The following GVQW3 variants were observed in gnomAD, a reference collection of about 807,000 sequenced individuals.
GVQW3 encodes protein GVQW3.
A neutral mutation model predicts 12.5 loss-of-function variants in GVQW3; 7 were observed. That is an observed-to-expected ratio of 0.56 (90% confidence interval 0.32 to 1.05). The LOEUF is 1.05. Ranked by LOEUF, GVQW3 falls within the 50% of genes least tolerant of loss-of-function variation. The pLI is 0.04. For synonymous variants in GVQW3, 71 were observed against 67.2 expected, an observed-to-expected ratio of 1.06 and a Z score of -0.28; for missense variants, 188 against 190.8, an observed-to-expected ratio of 0.99 and a Z score of 0.09.
rs1947056745 is a variant in GVQW3 at position 76,407,844 on chromosome 11, C to T, written c.*4086C>T. On this transcript the variant is annotated 3_prime_UTR_variant, in exon 2 of 2. Transcript: ENST00000529331. ...TATTTAAGATGATGTTTTTAAAGAA[C>T]TGTCAATGATGTTTGAAGATGTTCA... The T allele has an allele frequency of 6.6e-6, 1 of 151,966 alleles. No homozygotes were observed. The highest frequency in any genetic ancestry group is 2.1e-4 in the South Asian group (1 of 4,834). The allele number at this position is 151,966 out of a possible 1,614,324, so 9.4% of individuals were successfully genotyped here.
rs1946781224 is a variant in GVQW3 at position 76,382,229 on chromosome 11, A to G, written c.401A>G (p.Lys134Arg). 2 of 1,536,098 alleles carry G rather than the reference A, an allele frequency of 1.3e-6. No individual in the cohort carries two copies. The highest frequency in any genetic ancestry group is 1.4e-5 in the African/African-American group (1 of 73,182). The change falls in exon 1 of 2, where the codon AAA becomes AGA. Residue 134 changes from lysine to arginine, a missense_variant. Coordinates refer to ENST00000529331, the MANE Select transcript of GVQW3 (RefSeq NM_001347885.2). The part of the protein sequence containing the change: ...GVLKGEPKPR[K>R]LDFRSDLSKE... ...TTGAAGGGTGAGCCTAAACCACGAA[A>G]ACTTGACTTTCGGTCCGATCTTTCA...
chr11:76,391,200 A>G (rs894279470), intron 1 of GVQW3, among the ~76,000 whole-genome samples: 1 of 152,232 alleles, frequency 6.6e-6, no homozygotes, highest in Non-Finnish European at 1.5e-5. Flanking sequence ...TGTACTTCCT[A>G]TATGGCAGAT....
At chr11:76,408,369 C>G (rs1947061193), downstream of GVQW3, 1 of 152,202 alleles carries the variant, frequency 6.6e-6, no homozygotes, top group Non-Finnish European at 1.5e-5. Context: ...GCTTTGTAAA[C>G]TGTGAAGCAC....
chr11:76,397,192 C>A (rs536085983), intron 1 of GVQW3, among the ~76,000 whole-genome samples: 1 of 151,816 alleles, frequency 6.6e-6, no homozygotes. Flanking sequence ...TTAGTAGAGA[C>A]GGGATTTCAC....
At chr11:76,385,584 G>A (rs760144607) in intron 1 of GVQW3, among the ~76,000 whole-genome samples, 2 of 152,084 alleles carry the variant, frequency 1.3e-5, no homozygotes, top group Non-Finnish European at 2.9e-5. Flanking sequence ...GGTCACTTTG[G>A]TGTGCTGATC....
In GVQW3 at chr11:76,382,222, C is replaced by T; in HGVS notation, c.394C>T (p.Pro132Ser). The T allele has an allele frequency of 6.5e-7, 1 of 1,536,054 alleles. No individual in the cohort carries two copies. Residue 132 changes from proline to serine, a missense_variant, in exon 1 of 2, where the codon CCA becomes TCA. Transcript: ENST00000529331. ...ISGVLKGEPK[P>S]RKLDFRSDLS... is the part of the protein sequence containing the mutation. ...GGGTGTTTTGAAGGGTGAGCCTAAA[C>T]CACGAAAACTTGACTTTCGGTCCGA...
chr11:76,409,215 G>C (rs1337872152), downstream of GVQW3, among the ~76,000 whole-genome samples: 1 of 152,180 alleles, frequency 6.6e-6, no homozygotes, highest in African/African-American at 2.4e-5. Context: ...GCCAGGTAAT[G>C]TTCTAGATGT....
At chr11:76,385,225 A>G (rs1373887144) in intron 1 of GVQW3, among the ~76,000 whole-genome samples, 3 of 152,244 alleles carry the variant, frequency 2.0e-5, no homozygotes, top group Non-Finnish European at 2.9e-5. Flanking sequence ...TATCCAGAGC[A>G]AACCATTCAC....
rs1355023781 is a variant in GVQW3 at position 76,381,793 on chromosome 11, G to A, written c.-36G>A. On this transcript the variant is annotated 5_prime_UTR_variant, in exon 1 of 2. Transcript: ENST00000529331. ...CTGTCCGTCTTTCCCTTACAGTCGT[G>A]GCCTGTTAAACGTTCCTGTGTTGTT... 6.7e-7 allele frequency: 1 copy of A among 1,483,256 alleles called. No individual in the cohort carries two copies. Among genetic ancestry groups the A allele is most frequent in the Non-Finnish European group, 8.9e-7 (1 of 1,121,914 alleles). The allele number at this position is 1,483,256 out of a possible 1,614,324, so 91.9% of individuals were successfully genotyped here.
At position 76,407,815 on chromosome 11, in the gene GVQW3, C is replaced by T. The variant is rs1947056515; in HGVS notation, c.*4057C>T. On this transcript the variant is annotated 3_prime_UTR_variant, in exon 2 of 2. Transcript: ENST00000529331. ...AGCATACTCATTAAGTGAAATAATGCAGCTATTTAAGATGATGTTTTTAAA... is the reference window on the plus strand; with the variant it reads ...AGCATACTCATTAAGTGAAATAATGTAGCTATTTAAGATGATGTTTTTAAA... 1 of 151,894 alleles carries T rather than the reference C, an allele frequency of 6.6e-6. No homozygotes were observed. The allele number at this position is 151,894 out of a possible 1,614,324, so 9.4% of individuals were successfully genotyped here. A position where few individuals can be genotyped will look rare whatever the true frequency, so the allele number is the denominator to read the frequency against.
chr11:76,396,714 A>G lies in GVQW3; in HGVS notation c.466-6946A>G, dbSNP rs184702201. On this transcript the variant is annotated intron_variant, in intron 1 of 1. Transcript: ENST00000529331. ...CTCTCTTTTTACTGAAATATAATTC[A>G]TATCCAATAAAATCGTTAGTATATT... Among the ~76,000 whole-genome samples, 865 of 152,308 alleles carry G rather than the reference A, an allele frequency of 5.7e-3. 2 individuals carry two copies. Among genetic ancestry groups the G allele is most frequent in the Non-Finnish European group, 9.5e-3 (648 of 68,034 alleles).
At chr11:76,391,673 G>C (rs771193396) in intron 1 of GVQW3, among the ~76,000 whole-genome samples, 1 of 152,236 alleles carries the variant, frequency 6.6e-6, no homozygotes, top group Non-Finnish European at 1.5e-5. Flanking sequence ...ATCCAGCCAG[G>C]CTGGGTGCGG....
At chr11:76,394,798 A>G (rs60003482) in intron 1 of GVQW3, among the ~76,000 whole-genome samples, 16,563 of 152,254 alleles carry the variant, frequency 0.11, 1,210 homozygotes, top group African/African-American at 0.2. Context: ...ACTAATTTAC[A>G]TTCCCATCAA....
At chr11:76,385,452 G>C (rs1206546645) in intron 1 of GVQW3, among the ~76,000 whole-genome samples, 1 of 152,158 alleles carries the variant, frequency 6.6e-6, no homozygotes, top group Non-Finnish European at 1.5e-5. Flanking sequence ...TCACACCCCA[G>C]GCTCTTGTCC....
intron 1 of GVQW3, among the ~76,000 whole-genome samples, chr11:76,390,752 G>A (rs1381082306): frequency 1.3e-5 from 2 of 152,032 alleles, no homozygotes; most frequent in African/African-American, 4.8e-5. Flanking sequence ...GCGTGAACCC[G>A]GGAGGCGGAG....
chr11:76,402,377 G>A (rs1946998160), intron 1 of GVQW3, among the ~76,000 whole-genome samples: 2 of 151,964 alleles, frequency 1.3e-5, no homozygotes, highest in Non-Finnish European at 2.9e-5. Context: ...ACATGGTGAA[G>A]CCCTGTCTCT....
downstream of GVQW3, chr11:76,411,786 A>G (rs1947081349): frequency 6.6e-6 from 1 of 152,182 alleles, no homozygotes; most frequent in South Asian, 2.1e-4. Flanking sequence ...TGGTTTCCTC[A>G]GCTGTAACAT....
At chr11:76,390,604 G>A (rs890373461) in intron 1 of GVQW3, among the ~76,000 whole-genome samples, 13 of 152,196 alleles carry the variant, frequency 8.5e-5, no homozygotes, top group Non-Finnish European at 1.6e-4. Context: ...GGGAGGCCGA[G>A]GCGGGTGGAT....
At chr11:76,387,865 G>A (rs1307244337) in intron 1 of GVQW3, among the ~76,000 whole-genome samples, 1 of 152,186 alleles carries the variant, frequency 6.6e-6, no homozygotes, top group African/African-American at 2.4e-5. Context: ...CCAGGCTGCA[G>A]TGAGCCATGA....
Sources: allele counts gnomAD v4.1 joint callset (sites outside exome capture counted in the v4.1 genomes callset), GRCh38; gene constraint gnomAD v4.1.1; transcripts MANE v1.5; gene names NCBI Gene and HGNC (gene_info 2026-07-23, HGNC 2026-07-21).